Variants in ARPC2 observed in about 807,000 individuals in gnomAD.
ARPC2 encodes actin-related protein 2/3 complex subunit 2.
A neutral mutation model predicts 38.6 loss-of-function variants in ARPC2; 4 were observed. The observed-to-expected ratio is 0.10, with a 90% CI of 0.05 to 0.24. The LOEUF is 0.24. Ranked by LOEUF, ARPC2 falls within the 10% of genes least tolerant of loss-of-function variation. The pLI, the probability that ARPC2 is intolerant of heterozygous loss-of-function variation, is 1.00. For synonymous variants in ARPC2, 125 were observed against 140.8 expected, an observed-to-expected ratio of 0.89 and a Z score of 0.79; for missense variants, 229 against 387.3, an observed-to-expected ratio of 0.59 and a Z score of 3.43.
At chr2:218,245,383 C>A in intron 7 of ARPC2, 37 bp from the exon 8 acceptor site, 6 of 1,613,060 alleles carry the variant, frequency 3.7e-6, no homozygotes, top group African/African-American at 1.3e-5. Flanking sequence ...ATCTTACACC[C>A]ACTTCTCTTC....
chr2:218,247,173 G>T (rs1690058931), intron 8 of ARPC2, among the ~76,000 whole-genome samples: 2 of 152,180 alleles, frequency 1.3e-5, no homozygotes, highest in Non-Finnish European at 2.9e-5. Context: ...CTAGATGGGG[G>T]TTCTCTGTCA....
intron 10 of ARPC2, among the ~76,000 whole-genome samples, chr2:218,250,643 G>A (rs981695412): frequency 4.9e-5 from 7 of 142,868 alleles, no homozygotes; most frequent in Admixed American, 2.9e-4. Context: ...CAGCCTGAGC[G>A]ACAGAGTAAG....
intron 10 of ARPC2, among the ~76,000 whole-genome samples, chr2:218,251,798 C>T (rs766768938): frequency 1.3e-5 from 2 of 152,152 alleles, no homozygotes; most frequent in Non-Finnish European, 1.5e-5. Context: ...GTGTGGTACG[C>T]CTAGGGCTTT....
intron 7 of ARPC2, among the ~76,000 whole-genome samples, chr2:218,240,786 G>T (rs1338684222): frequency 3.3e-5 from 5 of 152,166 alleles, no homozygotes; most frequent in East Asian, 3.9e-4. Context: ...CCAGCCACTT[G>T]GGAGGCTGAG....
At chr2:218,236,410 G>T (rs1205479512) in intron 5 of ARPC2, 2 of 151,978 alleles carry the variant, frequency 1.3e-5, no homozygotes, top group Non-Finnish European at 1.5e-5. Flanking sequence ...TAATACTGGA[G>T]TGCCTCTCCA....
At chr2:218,246,233 A>G (rs1690027239) in intron 8 of ARPC2, among the ~76,000 whole-genome samples, 2 of 151,060 alleles carry the variant, frequency 1.3e-5, no homozygotes, top group South Asian at 2.1e-4. Flanking sequence ...AAAAAAAAAA[A>G]GAGTTGAGGC....
At position 218,246,943 on chromosome 2, in the gene ARPC2, G is replaced by A. The variant is rs144517004; in HGVS notation, c.676+1397G>A. 5.0e-3 allele frequency among the ~76,000 whole-genome samples: 759 copies of A among 152,044 alleles called. 1 individual carries two copies. Among genetic ancestry groups the A allele is most frequent in the Non-Finnish European group, 8.4e-3 (569 of 67,978 alleles). ...CAGCAAGCCGAGATCATCCTGCTGC[G>A]CTCCAGCCTGGGAGACTGTCTCAAA... On this transcript the variant is annotated intron_variant, in intron 8 of 10. Transcript: ENST00000315717.
intron 2 of ARPC2, among the ~76,000 whole-genome samples, chr2:218,223,284 T>C (rs986886306): frequency 6.6e-6 from 1 of 152,258 alleles, no homozygotes; most frequent in Non-Finnish European, 1.5e-5. Flanking sequence ...GTCTAGCATA[T>C]CTACAGTGTG....
At chr2:218,237,943 A>G (rs1264669802) in intron 5 of ARPC2, among the ~76,000 whole-genome samples, 23 of 152,122 alleles carry the variant, frequency 1.5e-4, no homozygotes, top group Admixed American at 1.4e-3. Flanking sequence ...AGTGCCCTAC[A>G]CTTATGTGTC....
chr2:218,220,630 T>G (rs1689361624), intron 2 of ARPC2, among the ~76,000 whole-genome samples: 1 of 152,138 alleles, frequency 6.6e-6, no homozygotes, highest in Non-Finnish European at 1.5e-5. Flanking sequence ...TTTTAATGAT[T>G]CCTCTCAGAT....
chr2:218,222,289 A>G (rs187438877), intron 2 of ARPC2, among the ~76,000 whole-genome samples: 254 of 152,102 alleles, frequency 1.7e-3, no homozygotes, highest in Non-Finnish European at 3.1e-3. Context: ...AAAAATGGGG[A>G]ATTGGATCCT....
At chr2:218,231,237 G>A (rs1689626259) in intron 4 of ARPC2, among the ~76,000 whole-genome samples, 1 of 152,174 alleles carries the variant, frequency 6.6e-6, no homozygotes, top group African/African-American at 2.4e-5. Flanking sequence ...GTCATTGGGA[G>A]AGGGGGTACA....
At chr2:218,226,035 C>T (rs1284590294) in intron 3 of ARPC2, 81 bp downstream of exon 3, 23 of 1,436,844 alleles carry the variant, frequency 1.6e-5, no homozygotes, top group Non-Finnish European at 2.0e-5. Context: ...TGGCACATGC[C>T]TGTAATCCCA....
chr2:218,239,204 G>T (rs1016039301), intron 6 of ARPC2, 187 bp from the exon 7 acceptor site: 1 of 587,558 alleles, frequency 1.7e-6, no homozygotes, highest in East Asian at 2.8e-5. Context: ...TCCATCTGCT[G>T]CCTCTCTTAG....
chr2:218,224,624 A>C (rs1224905079), intron 2 of ARPC2, among the ~76,000 whole-genome samples: 1 of 152,132 alleles, frequency 6.6e-6, no homozygotes, highest in Non-Finnish European at 1.5e-5. Context: ...TTCTATTCTG[A>C]ACTCTCTGCT....
Position 218,254,108 on chromosome 2 carries a change from T to TAA in ARPC2, c.*208_*209dup, listed in dbSNP as rs376913304. The TAA allele has an allele frequency of 1.5e-3, 659 of 426,374 alleles. No homozygotes were observed. Among genetic ancestry groups the TAA allele is most frequent in the African/African-American group, 0.011 (513 of 45,144 alleles). 26.4% of individuals were successfully genotyped at this position (426,374 alleles called of 1,614,324 possible). A position where few individuals can be genotyped will look rare whatever the true frequency, so the allele number is the denominator to read the frequency against. On this transcript the variant is annotated 3_prime_UTR_variant, in exon 11 of 11. Transcript: ENST00000315717. ...CAAAGACTTCATAGTTCCCAAGAAT[T>TAA]AAAAAAAAAAAAAAAAGAATTCCAC...
At chr2:218,220,119 G>C (rs1447751657) in intron 2 of ARPC2, among the ~76,000 whole-genome samples, 1 of 152,184 alleles carries the variant, frequency 6.6e-6, no homozygotes, top group African/African-American at 2.4e-5. Flanking sequence ...GTGCTAAGGG[G>C]TGAAAGGTGT....
intron 4 of ARPC2, among the ~76,000 whole-genome samples, chr2:218,230,416 T>C (rs924308665): frequency 6.9e-6 from 1 of 145,298 alleles, no homozygotes; most frequent in African/African-American, 2.6e-5. Context: ...CTCAGCCTCC[T>C]GAGTGTCTGG....
chr2:218,249,529 C>A, intron 9 of ARPC2, 65 bp downstream of exon 9: 1 of 1,279,832 alleles, frequency 7.8e-7, no homozygotes, highest in Non-Finnish European at 1.1e-6. Flanking sequence ...GAACTCCTGA[C>A]AGAAAGTCAT....
Sources: gnomAD v4.1 joint callset for allele counts (sites outside exome capture counted in the v4.1 genomes callset) on GRCh38, gnomAD v4.1.1 for gene constraint, MANE v1.5 for transcripts, NCBI Gene and HGNC (gene_info 2026-07-23, HGNC 2026-07-21) for gene names.